Variants in RICTOR observed in about 807,000 individuals in gnomAD.
RICTOR encodes RPTOR independent companion of MTOR complex 2.
A neutral mutation model predicts 214.9 loss-of-function variants in RICTOR; 49 were observed. The ratio of observed to expected loss-of-function variants is 0.23; its 90% CI spans 0.18 to 0.29. The LOEUF (loss-of-function observed/expected upper bound fraction) is 0.29. Among genes scored for constraint, RICTOR ranks in the 10% least tolerant of loss-of-function variants. The pLI is 1.00. For missense variants in RICTOR, 1,625 were observed against 2,047.0 expected (o/e 0.79, Z 3.98); for synonymous variants, 717 against 711.3 (o/e 1.01, Z -0.13).
chr5:38,949,137 T>TA (rs1246747854), intron 31 of RICTOR, among the ~76,000 whole-genome samples: 3 of 152,068 alleles, frequency 2.0e-5, no homozygotes, highest in African/African-American at 7.2e-5. Flanking sequence ...CTTTTAAAAG[T>TA]AAAATCTAAA....
intron 5 of RICTOR, among the ~76,000 whole-genome samples, chr5:38,999,048 A>AAAAC (rs1561514574): frequency 2.7e-5 from 4 of 148,786 alleles, no homozygotes; most frequent in East Asian, 2.0e-4. Context: ...AAAAAAAAAA[A>AAAAC]AAACAAACCT....
At chr5:38,942,609 C>G (rs1355548579) in intron 37 of RICTOR, among the ~76,000 whole-genome samples, 1 of 150,044 alleles carries the variant, frequency 6.7e-6, no homozygotes, top group Non-Finnish European at 1.5e-5. Flanking sequence ...TGACACCAAC[C>G]TCGGCTAATT....
chr5:39,019,496 G>A (rs968117918), intron 3 of RICTOR, among the ~76,000 whole-genome samples: 92 of 152,220 alleles, frequency 6.0e-4, no homozygotes, highest in Admixed American at 6.5e-5. Context: ...AAGCTGCTTT[G>A]TCTGTGCTTT....
rs764640747 is a variant in RICTOR, at chr5:38,945,727, G to A, written c.4400-3C>T. 4.1e-6 allele frequency: 6 copies of A among 1,462,884 alleles called. No individual in the cohort carries two copies. The South Asian group carries it at 4.6e-5, about 11-fold the overall frequency. 90.6% of individuals were successfully genotyped at this position (1,462,884 alleles called of 1,614,324 possible). A position where few individuals can be genotyped will look rare whatever the true frequency, so the allele number is the denominator to read the frequency against. ...ACCTCCAGTTCCAGATGGAAGACCTGTGCATAAGTAAATATAAAACATAAT... is the reference window on the plus strand; with the variant it reads ...ACCTCCAGTTCCAGATGGAAGACCTATGCATAAGTAAATATAAAACATAAT... On this transcript the variant is annotated splice_polypyrimidine_tract_variant and splice_region_variant and intron_variant, in intron 33 of 37. Transcript: ENST00000357387.
At chr5:39,021,005 A>G in intron 3 of RICTOR, 34 bp downstream of exon 3, 1 of 1,038,224 alleles carries the variant, frequency 9.6e-7, no homozygotes, top group Non-Finnish European at 1.5e-6. Context: ...GGAACAAAGA[A>G]TTTTAGACAA....
At chr5:39,068,792 G>A (rs1224675356) in intron 2 of RICTOR, among the ~76,000 whole-genome samples, 1 of 152,188 alleles carries the variant, frequency 6.6e-6, no homozygotes, top group South Asian at 2.1e-4. Context: ...AAGAGGATAA[G>A]CAGCAGATCT....
chr5:39,010,632 A>C (rs1323157085), intron 3 of RICTOR, among the ~76,000 whole-genome samples: 1 of 152,174 alleles, frequency 6.6e-6, no homozygotes, highest in African/African-American at 2.4e-5. Context: ...TCTGAGATGG[A>C]GATGAGGAAC....
intron 2 of RICTOR, among the ~76,000 whole-genome samples, chr5:39,041,200 T>C (rs1429008203): frequency 1.3e-5 from 2 of 152,156 alleles, no homozygotes; most frequent in East Asian, 1.9e-4. Context: ...AAGCAATACA[T>C]CTTGTAGGCA....
chr5:38,967,977 C>T lies in RICTOR; in HGVS notation c.1026G>A (p.Val342=). 6.2e-7 allele frequency: 1 copy of T among 1,607,048 alleles called. No individual in the cohort carries two copies. Among genetic ancestry groups the T allele is most frequent in the Non-Finnish European group, 8.5e-7 (1 of 1,173,920 alleles). The change falls in exon 12 of 38, where the codon GTG becomes GTA. Residue 342 remains valine, a synonymous_variant. Transcript: ENST00000357387. ...YDIFRLPLPV[V]TEEFIEALLS... ...GTAGTGCTTCTATGAACTCCTCAGT[C>T]ACAACAGGTAGAGGAAGACGAAATA...
intron 2 of RICTOR, among the ~76,000 whole-genome samples, chr5:39,051,360 A>T (rs1013278349): frequency 2.0e-5 from 3 of 152,194 alleles, no homozygotes; most frequent in East Asian, 3.8e-4. Context: ...ACACTGTAAG[A>T]TATACAAAAT....
rs965416142 is a variant in RICTOR, at chr5:38,940,601, AC to A, written c.*1702del. The A allele has an allele frequency of 1.3e-5, 3 of 232,620 alleles. No homozygotes were observed. Among genetic ancestry groups the A allele is most frequent in the African/African-American group, 6.6e-5 (3 of 45,304 alleles). 14.4% of individuals were successfully genotyped at this position (232,620 alleles called of 1,614,324 possible). ...GATTTTATGAGAGAAAATCTGAAGA[AC>A]CACTTTTCAACATAAGCAGCAGCTT... is the stretch of plus-strand genomic sequence containing the variant. On this transcript the variant is annotated 3_prime_UTR_variant, in exon 38 of 38. Coordinates refer to ENST00000357387, the MANE Select transcript of RICTOR (RefSeq NM_152756.5).
At chr5:38,961,443 A>C (rs2150020774) in intron 19 of RICTOR, among the ~76,000 whole-genome samples, 1 of 152,288 alleles carries the variant, frequency 6.6e-6, no homozygotes, top group East Asian at 1.9e-4. Flanking sequence ...AATTTAGGCC[A>C]ATGAATTTAT....
At chr5:38,981,826 A>C in intron 8 of RICTOR, 41 bp downstream of exon 8, 1 of 1,356,202 alleles carries the variant, frequency 7.4e-7, no homozygotes, top group Non-Finnish European at 1.0e-6. Context: ...ATACATTTAT[A>C]ATAATATTTT....
intron 12 of RICTOR, 84 bp from the exon 13 acceptor site, chr5:38,967,511 C>T (rs1750337563): frequency 7.0e-6 from 7 of 1,004,542 alleles, no homozygotes; most frequent in East Asian, 2.5e-5. Context: ...GCTAGCCAGG[C>T]TATAAAGAAC....
chr5:38,959,729 T>C, intron 21 of RICTOR, 50 bp downstream of exon 21: 1 of 1,232,132 alleles, frequency 8.1e-7, no homozygotes, highest in Non-Finnish European at 1.2e-6. Flanking sequence ...TCTAACTACA[T>C]TAAAAATAAA....
At chr5:39,067,849 C>T (rs768602037) in intron 2 of RICTOR, among the ~76,000 whole-genome samples, 25 of 152,156 alleles carry the variant, frequency 1.6e-4, no homozygotes, top group Non-Finnish European at 2.8e-4. Flanking sequence ...TTCTAATCTC[C>T]TTAATACTGT....
chr5:38,952,187 G>A lies in RICTOR; in HGVS notation c.3127+9C>T. On this transcript the variant is annotated intron_variant, in intron 30 of 37. Coordinates refer to ENST00000357387, the MANE Select transcript of RICTOR (RefSeq NM_152756.5). The stretch of plus-strand genomic sequence containing the variant: ...GGCTAACTTTATATGAACCTGTCAG[G>A]ATACTCACTCGATGGCACAGATTCA... 6.7e-7 allele frequency: 1 copy of A among 1,501,666 alleles called. No homozygotes were observed. Among genetic ancestry groups the A allele is most frequent in the Non-Finnish European group, 9.3e-7 (1 of 1,078,536 alleles). 93.0% of individuals were successfully genotyped at this position (1,501,666 alleles called of 1,614,324 possible). A position where few individuals can be genotyped will look rare whatever the true frequency, so the allele number is the denominator to read the frequency against.
intron 3 of RICTOR, among the ~76,000 whole-genome samples, chr5:39,009,571 A>G (rs1263121022): frequency 1.3e-5 from 2 of 152,166 alleles, no homozygotes; most frequent in African/African-American, 4.8e-5. Context: ...CCTATTTTCC[A>G]GACATAGTAA....
In RICTOR at chr5:38,950,720, C is replaced by T. The variant is rs1748696722; in HGVS notation, c.3128G>A (p.Ser1043Asn). Residue 1043 changes from serine to asparagine, a missense_variant and splice_region_variant, in exon 31 of 38, where the codon AGT (serine) becomes AAT (asparagine). This residue lies in a region of RICTOR where 1,214 missense variants were observed against 1,470.5 expected (regional missense o/e 0.83). Transcript: ENST00000357387. The part of the protein sequence containing the change: ...HNSESESVPS[S>N]MFILEDDRFG... Reference sequence around the variant, plus strand: ...CCGGTCATCCTCCAATATGAACATACCTATGATTGAAGGATCAATTAATAA... The same window carrying T: ...CCGGTCATCCTCCAATATGAACATATCTATGATTGAAGGATCAATTAATAA... 6.4e-7 allele frequency: 1 copy of T among 1,557,096 alleles called. No individual in the cohort carries two copies. The highest frequency in any genetic ancestry group is 8.7e-7 in the Non-Finnish European group (1 of 1,153,752).
Sources: allele counts gnomAD v4.1 joint callset (sites outside exome capture counted in the v4.1 genomes callset), GRCh38; gene constraint gnomAD v4.1.1; regional missense constraint gnomAD v4.1.1; transcripts MANE v1.5; gene names NCBI Gene and HGNC (gene_info 2026-07-23, HGNC 2026-07-21).